Variants in ITFG1 observed in about 807,000 individuals in gnomAD.
ITFG1 encodes integrin alpha FG-GAP repeat containing 1.
In ITFG1, 34 loss-of-function variants were observed where a neutral mutation model predicts 81.8. The ratio of observed to expected loss-of-function variants is 0.42; its 90% CI spans 0.32 to 0.55. ITFG1 has a LOEUF of 0.55. Ranked by LOEUF, ITFG1 falls within the 20% of genes least tolerant of loss-of-function variation. The pLI, the probability that ITFG1 is intolerant of heterozygous loss-of-function variation, is 0.17. For missense variants in ITFG1, 672 were observed against 755.4 expected (o/e 0.89, Z 1.29); for synonymous variants, 285 against 270.6 (o/e 1.05, Z -0.52).
rs1964673076 is a variant in ITFG1, at chr16:47,154,491, CAA to C, written c.*1226_*1227del. 6.7e-6 allele frequency: 1 copy of C among 149,552 alleles called. No homozygotes were observed. Among genetic ancestry groups the C allele is most frequent in the Non-Finnish European group, 1.5e-5 (1 of 67,922 alleles). 9.3% of individuals were successfully genotyped at this position (149,552 alleles called of 1,614,324 possible). A position where few individuals can be genotyped will look rare whatever the true frequency, so the allele number is the denominator to read the frequency against. On this transcript the variant is annotated 3_prime_UTR_variant, in exon 18 of 18. Transcript: ENST00000320640. ...TGAACTATAAAGAAAAAAATAAGAACAAAATTGTTTTCAGAGAAATTTTTGTG... is the reference window on the plus strand; with the variant it reads ...TGAACTATAAAGAAAAAAATAAGAACAATTGTTTTCAGAGAAATTTTTGTG...
At chr16:47,339,953 A>C (rs1967758855) in intron 8 of ITFG1, among the ~76,000 whole-genome samples, 1 of 152,144 alleles carries the variant, frequency 6.6e-6, no homozygotes, top group African/African-American at 2.4e-5. Context: ...GAAAATTTTG[A>C]GAACAGAAAA....
At chr16:47,325,035 T>C (rs1227288642) in intron 8 of ITFG1, among the ~76,000 whole-genome samples, 1 of 152,150 alleles carries the variant, frequency 6.6e-6, no homozygotes, top group Non-Finnish European at 1.5e-5. Context: ...TATACATTCT[T>C]TTCAGCACCA....
chr16:47,412,014 C>T (rs182577228), intron 6 of ITFG1, among the ~76,000 whole-genome samples: 2 of 152,146 alleles, frequency 1.3e-5, no homozygotes, highest in Non-Finnish European at 2.9e-5. Flanking sequence ...CTGTACAGAG[C>T]TTTGGACCTC....
chr16:47,317,404 A>T (rs1367519405), intron 8 of ITFG1: 3 of 152,220 alleles, frequency 2.0e-5, no homozygotes, highest in Admixed American at 2.0e-4. Flanking sequence ...AAGTTCACAT[A>T]TATCACTTAT....
intron 10 of ITFG1, among the ~76,000 whole-genome samples, chr16:47,306,568 A>G: frequency 6.6e-6 from 1 of 152,134 alleles, no homozygotes; most frequent in Admixed American, 6.5e-5. Context: ...AGTCAAGCTC[A>G]CAATATTTAG....
At chr16:47,249,194 G>T (rs1343232084) in intron 12 of ITFG1, among the ~76,000 whole-genome samples, 2 of 152,174 alleles carry the variant, frequency 1.3e-5, no homozygotes, top group Non-Finnish European at 2.9e-5. Context: ...AAAGTGGGCG[G>T]ATCACTTGAA....
chr16:47,306,896 C>T (rs1967170652), intron 10 of ITFG1, among the ~76,000 whole-genome samples: 1 of 151,392 alleles, frequency 6.6e-6, no homozygotes, highest in African/African-American at 2.4e-5. Flanking sequence ...AGATCGAGAC[C>T]ATCCTGGCTA....
chr16:47,437,943 G>C (rs543375757), intron 5 of ITFG1, among the ~76,000 whole-genome samples: 3 of 152,212 alleles, frequency 2.0e-5, no homozygotes, highest in Non-Finnish European at 4.4e-5. Flanking sequence ...TCAAAGAAAG[G>C]GGTGACAGAT....
chr16:47,433,373 A>G (rs1413996208), intron 5 of ITFG1, among the ~76,000 whole-genome samples: 1 of 152,230 alleles, frequency 6.6e-6, no homozygotes, highest in Non-Finnish European at 1.5e-5. Flanking sequence ...AATATCAGAA[A>G]TATCAGAAGG....
chr16:47,168,940 T>G (rs954908251), intron 14 of ITFG1, among the ~76,000 whole-genome samples: 4 of 152,320 alleles, frequency 2.6e-5, no homozygotes, highest in African/African-American at 9.6e-5. Context: ...TTTTTTTACA[T>G]GTCATTATAC....
At chr16:47,412,862 T>C (rs1417588957) in intron 6 of ITFG1, among the ~76,000 whole-genome samples, 2 of 151,934 alleles carry the variant, frequency 1.3e-5, no homozygotes, top group South Asian at 2.1e-4. Context: ...CTGAGAAACA[T>C]GCGCTTTTAT....
At chr16:47,451,364 T>C (rs1596993121) in intron 5 of ITFG1, 32 bp downstream of exon 5, 1 of 1,163,264 alleles carries the variant, frequency 8.6e-7, no homozygotes, top group South Asian at 1.3e-5. Flanking sequence ...ATATATACGA[T>C]TAATTACATA....
Position 47,457,420 on chromosome 16 carries a change from A to C in ITFG1, c.281+1683T>G, listed in dbSNP as rs193298925. ...AACAATGATTACTAATTTAACAAAA[A>C]ATTATGATTTAATTACACTGGGACA... is the stretch of plus-strand genomic sequence containing the variant. On this transcript the variant is annotated intron_variant, in intron 2 of 17. Transcript: ENST00000320640. Among the ~76,000 whole-genome samples, 32 of 152,334 alleles carry C rather than the reference A, an allele frequency of 2.1e-4. No homozygotes were observed. In the East Asian group the frequency reaches 5.2e-3, roughly 25 times the overall value.
intron 14 of ITFG1, among the ~76,000 whole-genome samples, chr16:47,185,831 T>A (rs1965204074): frequency 6.6e-6 from 1 of 152,056 alleles, no homozygotes; most frequent in African/African-American, 2.4e-5. Context: ...GCTGGTTTTC[T>A]GAAAAGATCA....
At chr16:47,252,061 T>G (rs1222068013) in intron 12 of ITFG1, among the ~76,000 whole-genome samples, 3 of 152,182 alleles carry the variant, frequency 2.0e-5, no homozygotes, top group Non-Finnish European at 4.4e-5. Flanking sequence ...GACATACTAG[T>G]ACTCAGAAAA....
chr16:47,183,185 C>T (rs1467702595), intron 14 of ITFG1, among the ~76,000 whole-genome samples: 22 of 152,210 alleles, frequency 1.4e-4, no homozygotes, highest in Non-Finnish European at 1.8e-4. Flanking sequence ...AACTGCAAGG[C>T]GGCAGCGAGG....
At chr16:47,302,480 C>CAG (rs1967091774) in intron 10 of ITFG1, among the ~76,000 whole-genome samples, 1 of 152,066 alleles carries the variant, frequency 6.6e-6, no homozygotes, top group Non-Finnish European at 1.5e-5. Context: ...ACAGCCCTCG[C>CAG]TTGCTCTCAG....
chr16:47,394,189 A>C (rs924670530), intron 6 of ITFG1, among the ~76,000 whole-genome samples: 1 of 152,222 alleles, frequency 6.6e-6, no homozygotes, highest in Admixed American at 6.5e-5. Context: ...CCAAGAGGAC[A>C]GAAGAATTTA....
In ITFG1 at chr16:47,155,230, A is replaced by G. The variant is rs1442844388; in HGVS notation, c.*489T>C. 2 of 152,356 alleles carry G rather than the reference A, an allele frequency of 1.3e-5. No homozygotes were observed. Among genetic ancestry groups the G allele is most frequent in the Non-Finnish European group, 2.9e-5 (2 of 68,150 alleles). 9.4% of individuals were successfully genotyped at this position (152,356 alleles called of 1,614,324 possible). Reference sequence around the variant, plus strand: ...TCTTACTGTGCTACCAAGTCAGAGTACCCGATCACTATATTGTATGCCATC... The same window carrying G: ...TCTTACTGTGCTACCAAGTCAGAGTGCCCGATCACTATATTGTATGCCATC... On this transcript the variant is annotated 3_prime_UTR_variant, in exon 18 of 18. Coordinates refer to ENST00000320640, the MANE Select transcript of ITFG1 (RefSeq NM_030790.5).
Sources: gnomAD v4.1 joint callset for allele counts (sites outside exome capture counted in the v4.1 genomes callset) on GRCh38, gnomAD v4.1.1 for gene constraint, MANE v1.5 for transcripts, NCBI Gene and HGNC (gene_info 2026-07-23, HGNC 2026-07-21) for gene names.